Variants in INVS observed in about 807,000 individuals in gnomAD.
The protein encoded by INVS is inversion of embryo turning homolog.
In INVS, 86 loss-of-function variants were observed where a neutral mutation model predicts 108.8. That is an observed-to-expected ratio of 0.79 (90% CI 0.66 to 0.95). INVS has a LOEUF of 0.95. INVS is among the 40% of genes least tolerant of loss of function. The pLI, the probability that INVS is intolerant of heterozygous loss-of-function variation, is 0.00. For missense variants in INVS, 1,169 were observed against 1,297.4 expected, an observed-to-expected ratio of 0.90 and a Z score of 1.52; for synonymous variants, 455 against 473.5, an observed-to-expected ratio of 0.96 and a Z score of 0.51.
At chr9:100,166,784 G>A (rs1468878747) in intron 3 of INVS, among the ~76,000 whole-genome samples, 3 of 152,058 alleles carry the variant, frequency 2.0e-5, no homozygotes, top group African/African-American at 7.2e-5. Flanking sequence ...CATCATGTTG[G>A]GTTAGATTAT....
At chr9:100,208,195 C>T (rs1338857088) in intron 3 of INVS, among the ~76,000 whole-genome samples, 2 of 152,144 alleles carry the variant, frequency 1.3e-5, no homozygotes, top group East Asian at 3.9e-4. Flanking sequence ...CAGGGATTGA[C>T]TTGCAGATGG....
intron 3 of INVS, among the ~76,000 whole-genome samples, chr9:100,169,815 T>A (rs1486561356): frequency 6.6e-6 from 1 of 152,202 alleles, no homozygotes; most frequent in African/African-American, 2.4e-5. Flanking sequence ...GTCCCTTTTC[T>A]ATAGTCATTC....
intron 3 of INVS, among the ~76,000 whole-genome samples, chr9:100,171,179 A>C (rs1414361530): frequency 6.6e-6 from 1 of 152,166 alleles, no homozygotes; most frequent in African/African-American, 2.4e-5. Flanking sequence ...CACATATACA[A>C]TGGTGGTCCC....
chr9:100,185,429 T>A (rs1830024355), intron 3 of INVS, among the ~76,000 whole-genome samples: 1 of 150,510 alleles, frequency 6.6e-6, no homozygotes, highest in Admixed American at 6.6e-5. Flanking sequence ...CACAAAAGAT[T>A]AGTTTTACCT....
At chr9:100,140,276 A>G (rs1828380754) in intron 3 of INVS, among the ~76,000 whole-genome samples, 1 of 152,172 alleles carries the variant, frequency 6.6e-6, no homozygotes, top group South Asian at 2.1e-4. Context: ...GAGTCTGAAA[A>G]GAGTCAGTGA....
At chr9:100,223,076 A>ATCAT (rs1401330722) in intron 3 of INVS, among the ~76,000 whole-genome samples, 4 of 151,804 alleles carry the variant, frequency 2.6e-5, no homozygotes, top group Non-Finnish European at 4.4e-5. Context: ...AAGAATTTTT[A>ATCAT]TCATTTATTT....
intron 5 of INVS, among the ~76,000 whole-genome samples, chr9:100,233,676 T>G (rs1588109722): frequency 6.6e-6 from 1 of 152,354 alleles, no homozygotes; most frequent in Admixed American, 6.5e-5. Flanking sequence ...TTACATTTAT[T>G]GATTTGCATA....
intron 3 of INVS, among the ~76,000 whole-genome samples, chr9:100,129,135 C>T (rs1827973372): frequency 6.6e-6 from 1 of 151,318 alleles, no homozygotes; most frequent in Admixed American, 6.6e-5. Context: ...GCCTGAACAA[C>T]AAAGTGAGAC....
intron 13 of INVS, among the ~76,000 whole-genome samples, chr9:100,288,960 T>G (rs1385099736): frequency 6.9e-6 from 1 of 145,090 alleles, no homozygotes; most frequent in Non-Finnish European, 1.5e-5. Context: ...CCTATGAGAC[T>G]CTTTTGCTGG....
intron 12 of INVS, among the ~76,000 whole-genome samples, chr9:100,280,816 G>A (rs1833251448): frequency 6.6e-6 from 1 of 152,168 alleles, no homozygotes; most frequent in Non-Finnish European, 1.5e-5. Flanking sequence ...GGCTGAGTGT[G>A]GTGGCTCACA....
intron 3 of INVS, among the ~76,000 whole-genome samples, chr9:100,170,955 G>A (rs917711101): frequency 6.6e-6 from 1 of 152,166 alleles, no homozygotes; most frequent in Non-Finnish European, 1.5e-5. Context: ...GTATATCATA[G>A]GAAAATGTAA....
At chr9:100,144,575 T>G (rs1433440270) in intron 3 of INVS, among the ~76,000 whole-genome samples, 1 of 152,156 alleles carries the variant, frequency 6.6e-6, no homozygotes, top group Non-Finnish European at 1.5e-5. Flanking sequence ...GCATTAACCT[T>G]GACTATGCCT....
At chr9:100,141,399 C>T (rs149202614) in intron 3 of INVS, among the ~76,000 whole-genome samples, 107 of 151,984 alleles carry the variant, frequency 7.0e-4, no homozygotes, top group African/African-American at 2.4e-3. Context: ...GACTGAGGAC[C>T]GTAAGGGAAA....
intron 10 of INVS, among the ~76,000 whole-genome samples, chr9:100,261,066 G>A (rs1353298517): frequency 6.6e-6 from 1 of 151,952 alleles, no homozygotes; most frequent in East Asian, 1.9e-4. Flanking sequence ...TAACTTTTTT[G>A]CTAATTAAAT....
chr9:100,179,773 C>T (rs571056531), intron 3 of INVS, among the ~76,000 whole-genome samples: 3 of 152,146 alleles, frequency 2.0e-5, no homozygotes, highest in Admixed American at 6.5e-5. Context: ...GACTTGAACT[C>T]AGCTCTGGAC....
rs540755036 is a variant in INVS at position 100,239,962 on chromosome 9, C to A, written c.616-98C>A. The stretch of plus-strand genomic sequence containing the variant: ...CCAACCTGGGTGACAGAACAAGACC[C>A]TGTCTCTAAAAAAGAAAGAAAGAAA... On this transcript the variant is annotated intron_variant, in intron 5 of 16. Coordinates refer to ENST00000262457, the MANE Select transcript of INVS (RefSeq NM_014425.5). 698 of 1,109,874 alleles carry A rather than the reference C, an allele frequency of 6.3e-4. 6 individuals are homozygous for A. The South Asian group carries it at 8.4e-3, about 13-fold the overall frequency. The allele number at this position is 1,109,874 out of a possible 1,614,324, so 68.8% of individuals were successfully genotyped here. A position where few individuals can be genotyped will look rare whatever the true frequency, so the allele number is the denominator to read the frequency against.
intron 12 of INVS, among the ~76,000 whole-genome samples, chr9:100,281,071 GGTTA>G (rs1215369096): frequency 6.6e-6 from 1 of 152,144 alleles, no homozygotes; most frequent in Non-Finnish European, 1.5e-5. Context: ...TGCTGCTAAT[GGTTA>G]GTTTGAAGTG....
intron 3 of INVS, among the ~76,000 whole-genome samples, chr9:100,224,800 GA>G (rs564023463): frequency 1.3e-5 from 2 of 151,876 alleles, no homozygotes; most frequent in Admixed American, 1.3e-4. Flanking sequence ...ATTTTTAGTA[GA>G]GACGGGGTTT....
Position 100,292,415 on chromosome 9 carries a change from C to A in INVS, c.2158C>A (p.Pro720Thr). The change falls in exon 14 of 17, where the codon CCC becomes ACC. Residue 720 changes from proline to threonine, a missense_variant. Physicochemically the swap from Pro to Thr is conservative, Grantham distance 38. Transcript: ENST00000262457. ...TGATGGAAGCAGGCATCCAGGAGTT[C>A]CCTCTGTTGAGAAGTCCAGAGGTGA... ...GSDGSRHPGVPSVEKSRGETA... is the reference protein window; with the variant it reads ...GSDGSRHPGVTSVEKSRGETA... 1.2e-6 allele frequency: 2 copies of A among 1,614,146 alleles called. No individual in the cohort carries two copies. Among genetic ancestry groups the A allele is most frequent in the Non-Finnish European group, 1.7e-6 (2 of 1,180,020 alleles).
Sources: gnomAD v4.1 joint callset for allele counts (sites outside exome capture counted in the v4.1 genomes callset) on GRCh38, gnomAD v4.1.1 for gene constraint, MANE v1.5 for transcripts, NCBI Gene and HGNC (gene_info 2026-07-23, HGNC 2026-07-21) for gene names.